HLA-DRB1: variants seen among roughly 807,000 people sequenced by gnomAD.
HLA-DRB1 encodes the protein major histocompatibility complex, class II, DR beta 1.
A neutral mutation model predicts 27.9 loss-of-function variants in HLA-DRB1; 10 were observed. The observed-to-expected ratio is 0.36, with a 90% confidence interval of 0.22 to 0.61. The LOEUF (loss-of-function observed/expected upper bound fraction) is 0.61, where lower values mean the gene tolerates loss of function less well. HLA-DRB1 is among the 20% of genes least tolerant of loss of function. HLA-DRB1 has a pLI of 0.73. For missense variants in HLA-DRB1, 118 were observed against 306.3 expected (o/e 0.39, Z 4.59); for synonymous variants, 57 against 126.7 (o/e 0.45, Z 3.69).
intron 2 of HLA-DRB1, 61 bp from the exon 3 acceptor site, chr6:32,581,899 G>GTTTT: frequency 2.3e-6 from 2 of 862,488 alleles, no homozygotes; most frequent in Non-Finnish European, 1.8e-6. Flanking sequence ...TCCTGGTTTG[G>GTTTT]CTGTGTGTCT....
chr6:32,580,711 C>T (rs36116184), intron 4 of HLA-DRB1, 35 bp downstream of exon 4: 169,956 of 1,306,514 alleles, frequency 0.13, 907 homozygotes, highest in Admixed American at 0.16. Context: ...TCCAGAAAAG[C>T]CTATGGAGAG....
At chr6:32,586,920 C>T (rs1189532082) in intron 1 of HLA-DRB1, among the ~76,000 whole-genome samples, 17 of 110,210 alleles carry the variant, frequency 1.5e-4, no homozygotes, top group African/African-American at 5.8e-4. Flanking sequence ...AAAATACATG[C>T]CAAGTCTGTC....
chr6:32,588,478 A>C (rs36117245), intron 1 of HLA-DRB1, among the ~76,000 whole-genome samples: 1 of 75,606 alleles, frequency 1.3e-5, no homozygotes, highest in Admixed American at 1.6e-4. Context: ...AGTCTCTTTC[A>C]ATGAATCTCA....
In HLA-DRB1 at chr6:32,583,682, C is replaced by T. The variant is rs796416290; in HGVS notation, c.370+427G>A. Among the ~76,000 whole-genome samples the T allele has an allele frequency of 3.6e-3, 203 of 57,066 alleles. 12 individuals carry two copies. Among genetic ancestry groups the T allele is most frequent in the South Asian group, 9.7e-3 (16 of 1,654 alleles). The allele number at this position is 57,066 out of a possible 152,430, so 37.4% of individuals were successfully genotyped here. On this transcript the variant is annotated intron_variant, in intron 2 of 5. Coordinates refer to ENST00000360004, the Ensembl canonical transcript of HLA-DRB1. ...CTCACATTATCCCAAACCTGCCTTA[C>T]CCCTCAGCAGTCCTCCCCTAAACCT...
At chr6:32,586,788 T>C in intron 1 of HLA-DRB1, among the ~76,000 whole-genome samples, 1 of 87,618 alleles carries the variant, frequency 1.1e-5, no homozygotes, top group African/African-American at 4.4e-5. Context: ...AATCATTTCC[T>C]CCCATAGTTT....
chr6:32,589,146 G>GATACTAGGGAGGCCACTGGGTCC (rs1776976747), intron 1 of HLA-DRB1, among the ~76,000 whole-genome samples: 1 of 117,124 alleles, frequency 8.5e-6, no homozygotes, highest in African/African-American at 3.1e-5. Flanking sequence ...AAAGAAAGGA[G>GATACTAGGGAGGCCACTGGGTCC]ATAATGGGGA....
chr6:32,588,347 T>G (rs34594152), intron 1 of HLA-DRB1, among the ~76,000 whole-genome samples: 2 of 127,042 alleles, frequency 1.6e-5, no homozygotes, highest in African/African-American at 5.6e-5. Flanking sequence ...CCAGCTACTC[T>G]GGAGCCTGAG....
chr6:32,589,561 G>A (rs17204674), intron 1 of HLA-DRB1, 82 bp downstream of exon 1: 750 of 554,870 alleles, frequency 1.4e-3, no homozygotes, highest in Admixed American at 1.6e-3. Flanking sequence ...ATTTCTTAAG[G>A]GACATGGCCT....
chr6:32,582,327 A>C (rs796258220), intron 2 of HLA-DRB1, among the ~76,000 whole-genome samples: 16,705 of 103,924 alleles, frequency 0.16, no homozygotes, highest in East Asian at 0.22. Context: ...GATAGCCTTC[A>C]GTTTATGAGG....
intron 1 of HLA-DRB1, among the ~76,000 whole-genome samples, chr6:32,584,678 C>G (rs376484792): frequency 0.018 from 2,128 of 116,114 alleles, 168 homozygotes; most frequent in Middle Eastern, 0.058. Context: ...CCCAGCACCG[C>G]AGCCCGCGCC....
chr6:32,586,818 C>T (rs72850294), intron 1 of HLA-DRB1, among the ~76,000 whole-genome samples: 2 of 79,412 alleles, frequency 2.5e-5, no homozygotes, highest in African/African-American at 4.9e-5. Flanking sequence ...CAATAAACAA[C>T]ACTACCACCC....
exon 4 of HLA-DRB1, chr6:32,580,797 C>T: frequency 6.2e-7 from 1 of 1,613,256 alleles, no homozygotes; most frequent in Non-Finnish European, 8.5e-7. Flanking sequence ...AAGAGCAGGC[C>T]CAGCACAAAG....
At chr6:32,589,434 G>GCCTA (rs1314321473) in intron 1 of HLA-DRB1, among the ~76,000 whole-genome samples, 256 of 77,982 alleles carry the variant, frequency 3.3e-3, no homozygotes, top group East Asian at 0.03. Context: ...GAAATGATTT[G>GCCTA]TGCAAAGGCC....
chr6:32,586,298 C>G (rs577989228), intron 1 of HLA-DRB1, among the ~76,000 whole-genome samples: 5 of 99,272 alleles, frequency 5.0e-5, no homozygotes, highest in Non-Finnish European at 6.2e-5. Flanking sequence ...ACCTCGTCCT[C>G]ACTTTTACTC....
intron 2 of HLA-DRB1, 76 bp from the exon 3 acceptor site, chr6:32,581,914 C>T (rs1275957666): frequency 5.6e-5 from 43 of 762,670 alleles, no homozygotes; most frequent in Non-Finnish European, 8.3e-5. Context: ...GTGTCTGCTT[C>T]TCTGCAAACC....
At chr6:32,584,736 C>CCCTTTAA (rs1361025706) in intron 1 of HLA-DRB1, among the ~76,000 whole-genome samples, 1 of 85,174 alleles carries the variant, frequency 1.2e-5, no homozygotes. Flanking sequence ...TCTCATCCCA[C>CCCTTTAA]ACGCTTTACC....
exon 2 of HLA-DRB1, chr6:32,584,308 G>T (rs1059575): frequency 0.21 from 238,290 of 1,121,964 alleles, 32,689 homozygotes; most frequent in Non-Finnish European, 0.22. Flanking sequence ...AGAAGTATCT[G>T]TCCAGGAACC....
Position 32,581,188 on chromosome 6 carries a change from G to A in HLA-DRB1, c.653-332C>T. 2.2e-5 allele frequency among the ~76,000 whole-genome samples: 2 copies of A among 89,744 alleles called. 1 individual carries two copies. The highest frequency in any genetic ancestry group is 4.7e-5 in the Non-Finnish European group (2 of 42,708). The allele number at this position is 89,744 out of a possible 152,430, so 58.9% of individuals were successfully genotyped here. A position where few individuals can be genotyped will look rare whatever the true frequency, so the allele number is the denominator to read the frequency against. On this transcript the variant is annotated intron_variant, in intron 3 of 5. Transcript: ENST00000360004. ...TGAGATTGGACTCCCCTCATGTCAG[G>A]TAGGCCCCTACACTTCTCCTCTTCC...
At position 32,589,816 on chromosome 6, in the gene HLA-DRB1, A is replaced by T. The variant is rs1376182833; in HGVS notation, c.-74T>A. 3.9e-5 allele frequency: 14 copies of T among 360,030 alleles called. No individual in the cohort carries two copies. In the African/African-American group the frequency reaches 6.0e-4, roughly 16 times the overall value. The allele number at this position is 360,030 out of a possible 1,614,324, so 22.3% of individuals were successfully genotyped here. On this transcript the variant is annotated 5_prime_UTR_variant, in exon 1 of 6. Transcript: ENST00000360004. ...CTCAGGGAGAACTATGAACCCCTCC[A>T]CCCACATTCCAAGTTATAGGGAGGA...
Sources: gnomAD v4.1 joint callset for allele counts (sites outside exome capture counted in the v4.1 genomes callset) on GRCh38, gnomAD v4.1.1 for gene constraint, MANE v1.5 for transcripts, NCBI Gene and HGNC (gene_info 2026-07-23, HGNC 2026-07-21) for gene names.